HSPA12B: variants seen among roughly 807,000 people sequenced by gnomAD.
The protein encoded by HSPA12B is heat shock protein family A (Hsp70) member 12B, also known as heat shock 70 kDa protein 12B.
HSPA12B carries 54 observed loss-of-function variants against 69.3 expected under a neutral mutation model. The ratio of observed to expected loss-of-function variants is 0.78; its 90% confidence interval spans 0.63 to 0.98. The LOEUF (loss-of-function observed/expected upper bound fraction) is 0.98, where lower values mean the gene tolerates loss of function less well. Ranked by LOEUF, HSPA12B falls within the 50% of genes least tolerant of loss-of-function variation. The probability of loss-of-function intolerance (pLI) is 0.00; values close to 1 mark genes in which losing one functional copy is unlikely to be tolerated. For missense variants in HSPA12B, 929 were observed against 999.8 expected (o/e 0.93, Z 0.96); for synonymous variants, 441 against 436.5 (o/e 1.01, Z -0.13).
chr20:3,745,666 C>T lies in HSPA12B; in HGVS notation c.558+69C>T. The T allele has an allele frequency of 7.2e-7, 1 of 1,388,940 alleles. No homozygotes were observed. The highest frequency in any genetic ancestry group is 1.0e-6 in the Non-Finnish European group (1 of 984,196). 86.0% of individuals were successfully genotyped at this position (1,388,940 alleles called of 1,614,324 possible). On this transcript the variant is annotated intron_variant, in intron 6 of 12. Coordinates refer to ENST00000254963, the MANE Select transcript of HSPA12B (RefSeq NM_052970.5). This position sits in a 1 kb window ranked among gnomAD's most constrained non-coding sequence, Gnocchi z 5.6. ...TATTTTCCCCTCATCCGAAACCGCT[C>T]CCCCATCCCGTCCCCGACATTGGAT...
chr20:3,742,137 G>A, intron 3 of HSPA12B, 147 bp from the exon 4 acceptor site: 8 of 1,179,132 alleles, frequency 6.8e-6, no homozygotes, highest in African/African-American at 1.5e-5. Context: ...CGAGCAGGTG[G>A]GCAGGTGGGG....
chr20:3,748,453 G>C (rs1486096188), intron 8 of HSPA12B, 62 bp downstream of exon 8: 1 of 1,383,534 alleles, frequency 7.2e-7, no homozygotes, highest in Non-Finnish European at 9.5e-7. Context: ...GAAGCCAGAA[G>C]CTCAGCCATG....
rs546413899 is a variant in HSPA12B at position 3,745,850 on chromosome 20, G to T, written c.559-65G>T. The stretch of plus-strand genomic sequence containing the variant: ...TGATTTGATTAGTACCTCCAGTTCC[G>T]CAGAGGGCTGAAGACCACCCTCCCT... On this transcript the variant is annotated intron_variant, in intron 6 of 12. Transcript: ENST00000254963. The surrounding 1 kb of genome is among the most constrained non-coding windows in gnomAD (Gnocchi z 5.6). The T allele has an allele frequency of 2.5e-5, 35 of 1,377,640 alleles. No homozygotes were observed. The East Asian group carries it at 7.3e-4, about 29-fold the overall frequency. The allele number at this position is 1,377,640 out of a possible 1,614,324, so 85.3% of individuals were successfully genotyped here.
intron 4 of HSPA12B, among the ~76,000 whole-genome samples, 186 bp downstream of exon 4, chr20:3,742,594 A>G (rs1357554318): frequency 9.2e-5 from 14 of 152,164 alleles, no homozygotes; most frequent in Admixed American, 7.9e-4. Context: ...CCTCAACTGG[A>G]GCAGCTCCCA....
intron 2 of HSPA12B, among the ~76,000 whole-genome samples, chr20:3,739,684 T>C (rs1263466838): frequency 6.6e-6 from 1 of 152,172 alleles, no homozygotes; most frequent in African/African-American, 2.4e-5. Context: ...TCCAGGCGCT[T>C]CCCAGAGTCC....
Position 3,751,914 on chromosome 20 carries a change from C to G in HSPA12B, c.1809C>G (p.Arg603=), listed in dbSNP as rs751932330. The G allele has an allele frequency of 6.3e-7, 1 of 1,583,454 alleles. No individual in the cohort carries two copies. The highest frequency in any genetic ancestry group is 8.5e-7 in the Non-Finnish European group (1 of 1,170,248). The change falls in exon 13 of 13, where the codon CGC becomes CGG. Residue 603 remains arginine (R), a synonymous_variant. Coordinates refer to ENST00000254963, the MANE Select transcript of HSPA12B (RefSeq NM_052970.5). The part of the protein sequence containing the change: ...SYCPARPGQR[R]VLINLYCCAA... ...GCCCGGCGCGTCCCGGCCAGCGGCG[C>G]GTACTCATCAACCTGTACTGCTGCG...
At chr20:3,736,065 C>G (rs1189024638) in intron 1 of HSPA12B, among the ~76,000 whole-genome samples, 1 of 152,174 alleles carries the variant, frequency 6.6e-6, no homozygotes, top group African/African-American at 2.4e-5. Flanking sequence ...TAAATACTCC[C>G]AGCCATGACT....
chr20:3,740,703 T>C lies in HSPA12B; in HGVS notation c.44-112T>C. The C allele has an allele frequency of 1.2e-6, 1 of 811,752 alleles. No homozygotes were observed. Among genetic ancestry groups the C allele is most frequent in the Admixed American group, 2.0e-5 (1 of 49,218 alleles). The allele number at this position is 811,752 out of a possible 1,614,324, so 50.3% of individuals were successfully genotyped here. A position where few individuals can be genotyped will look rare whatever the true frequency, so the allele number is the denominator to read the frequency against. ...AGTCCTCCTCCCCAGCAGAGAGCCC[T>C]TTGCCTTAGCCCAGCAAGGACTGAT... On this transcript the variant is annotated intron_variant, in intron 2 of 12. Transcript: ENST00000254963. The surrounding 1 kb of genome is among the most constrained non-coding windows in gnomAD (Gnocchi z 4.9).
intron 1 of HSPA12B, among the ~76,000 whole-genome samples, chr20:3,733,784 G>A (rs995329000): frequency 1.3e-5 from 2 of 152,344 alleles, no homozygotes; most frequent in African/African-American, 4.8e-5. Flanking sequence ...ACGGAGTCCT[G>A]TTCCATTACA....
chr20:3,742,478 T>G, intron 4 of HSPA12B, 70 bp downstream of exon 4: 2 of 1,262,088 alleles, frequency 1.6e-6, no homozygotes, highest in Non-Finnish European at 2.3e-6. Flanking sequence ...GTCCCAAAAG[T>G]ACTGTCACCG....
Position 3,748,396 on chromosome 20 carries a change from G to C in HSPA12B, c.850+5G>C, listed in dbSNP as rs760113437. The C allele has an allele frequency of 2.5e-6, 4 of 1,581,502 alleles. No homozygotes were observed. The South Asian group carries it at 4.6e-5, about 18-fold the overall frequency. On this transcript the variant is annotated splice_donor_5th_base_variant and intron_variant, in intron 8 of 12. Coordinates refer to ENST00000254963, the MANE Select transcript of HSPA12B (RefSeq NM_052970.5). ...TCGACTCCAGCTTCCGTCAGGGTGA[G>C]CTGCCCCCGGGGACACCACCCACCC...
chr20:3,733,448 G>GGGCTGTGGGCAGAGCATGGGA (rs979383976), intron 1 of HSPA12B, among the ~76,000 whole-genome samples: 1 of 152,176 alleles, frequency 6.6e-6, no homozygotes, highest in African/African-American at 2.4e-5. Flanking sequence ...GGGTAATGGG[G>GGGCTGTGGGCAGAGCATGGGA]GGCTGTGGGC....
At chr20:3,748,032 C>A (rs1007306598) in intron 7 of HSPA12B, among the ~76,000 whole-genome samples, 185 bp from the exon 8 acceptor site, 13 of 152,264 alleles carry the variant, frequency 8.5e-5, no homozygotes, top group Admixed American at 7.8e-4. Flanking sequence ...CCAGCCTGGT[C>A]ACAGCGTGGC....
In HSPA12B at chr20:3,740,593, G is replaced by A. The variant is rs979482457; in HGVS notation, c.44-222G>A. 3.3e-5 allele frequency among the ~76,000 whole-genome samples: 5 copies of A among 152,160 alleles called. No individual in the cohort carries two copies. The highest frequency in any genetic ancestry group is 5.9e-5 in the Non-Finnish European group (4 of 68,012). ...GACAGTGAGCTCCTGGGGAAAGCATGGGTCATCTGCTAGGGAAACGTTGCC... is the reference window on the plus strand; with the variant it reads ...GACAGTGAGCTCCTGGGGAAAGCATAGGTCATCTGCTAGGGAAACGTTGCC... On this transcript the variant is annotated intron_variant, in intron 2 of 12. Transcript: ENST00000254963. This position sits in a 1 kb window ranked among gnomAD's most constrained non-coding sequence, Gnocchi z 4.9.
intron 1 of HSPA12B, among the ~76,000 whole-genome samples, chr20:3,738,044 C>A (rs771065883): frequency 6.6e-6 from 1 of 152,164 alleles, no homozygotes; most frequent in Non-Finnish European, 1.5e-5. Flanking sequence ...CCCACCCCAC[C>A]CTGCCACCTC....
chr20:3,751,408 G>A lies in HSPA12B; in HGVS notation c.1406-103G>A, dbSNP rs570673143. 5.2e-6 allele frequency: 7 copies of A among 1,354,774 alleles called. No homozygotes were observed. In the East Asian group the frequency reaches 2.0e-4, roughly 39 times the overall value. The allele number at this position is 1,354,774 out of a possible 1,614,324, so 83.9% of individuals were successfully genotyped here. ...TCGCCAGGTAGGTACAGGCTAGGGA[G>A]GGGAGGCGCCGGTGGCCGCCTAGTG... On this transcript the variant is annotated intron_variant, in intron 12 of 12. Coordinates refer to ENST00000254963, the MANE Select transcript of HSPA12B (RefSeq NM_052970.5).
chr20:3,749,986 G>C lies in HSPA12B; in HGVS notation c.1060G>C (p.Val354Leu). The C allele has an allele frequency of 6.4e-7, 1 of 1,572,690 alleles. No individual in the cohort carries two copies. The highest frequency in any genetic ancestry group is 8.6e-7 in the Non-Finnish European group (1 of 1,159,016). ...CACCCCAGGGGGCCCTTATGGCGCG[G>C]TGGGCGTGGACCTGGCCTTCGAGCA... The part of the protein sequence containing the change: ...YKASGGPYGA[V>L]GVDLAFEQLL... The change falls in exon 11 of 13, where the codon GTG becomes CTG. Residue 354 changes from valine to leucine, a missense_variant. Physicochemically the swap from Val to Leu is conservative, Grantham distance 32. Transcript: ENST00000254963. This position sits in a 1 kb window ranked among gnomAD's most constrained non-coding sequence, Gnocchi z 5.5.
rs752178720 is a variant in HSPA12B, at chr20:3,750,111, G to A, written c.1185G>A (p.Lys395=). 1.2e-6 allele frequency: 2 copies of A among 1,612,222 alleles called. No homozygotes were observed. Among genetic ancestry groups the A allele is most frequent in the Non-Finnish European group, 8.5e-7 (1 of 1,179,678 alleles). Residue 395 remains lysine (K), a synonymous_variant, in exon 11 of 13, where the codon AAG becomes AAA. Coordinates refer to ENST00000254963, the MANE Select transcript of HSPA12B (RefSeq NM_052970.5). ...TGACCATCGCCTTCGAGGCTCGCAA[G>A]CGCACTGCTGGCCCACACCGTGCAG... The part of the protein sequence containing the change: ...VDLTIAFEAR[K]RTAGPHRAGA...
chr20:3,742,226 G>T (rs1022789380), intron 3 of HSPA12B, 58 bp from the exon 4 acceptor site: 1 of 1,596,928 alleles, frequency 6.3e-7, no homozygotes, highest in Admixed American at 1.7e-5. Flanking sequence ...CATTGGGGCT[G>T]TGGGGGATGG....
Sources: allele counts gnomAD v4.1 joint callset (sites outside exome capture counted in the v4.1 genomes callset), GRCh38; gene constraint gnomAD v4.1.1; non-coding constraint Gnocchi (gnomAD v3.1); transcripts MANE v1.5; gene names NCBI Gene and HGNC (gene_info 2026-07-23, HGNC 2026-07-21).